Variants in HAUS6 observed in about 807,000 individuals in gnomAD.
HAUS6 encodes the protein HAUS augmin like complex subunit 6, also known as HAUS augmin-like complex subunit 6.
HAUS6 carries 80 observed loss-of-function variants against 106.8 expected under a neutral mutation model. The observed-to-expected ratio is 0.75, with a 90% CI of 0.63 to 0.90. The LOEUF (loss-of-function observed/expected upper bound fraction) is 0.90, where lower values mean the gene tolerates loss of function less well. HAUS6 is among the 40% of genes least tolerant of loss of function. The probability of loss-of-function intolerance (pLI) is 0.00; values close to 1 mark genes in which losing one functional copy is unlikely to be tolerated. For synonymous variants in HAUS6, 356 were observed against 379.1 expected, an observed-to-expected ratio of 0.94 and a Z score of 0.71; for missense variants, 1,155 against 1,118.1, an observed-to-expected ratio of 1.03 and a Z score of -0.47.
chr9:19,063,010 C>A lies in HAUS6; in HGVS notation c.1627G>T (p.Glu543Ter), dbSNP rs1490640007. The change falls in exon 14 of 17, where the codon GAG (glutamate) becomes TAG (stop). Residue 543 changes from glutamate (E) to a stop codon, truncating the protein, a stop_gained and splice_region_variant. Coordinates refer to ENST00000380502, the MANE Select transcript of HAUS6 (RefSeq NM_017645.5). LOFTEE classifies it high-confidence loss of function. ...FQKEQDHLVE[E>*]VARAVLSDSP... Reference sequence around the variant, plus strand: ...TACTCATTACAGTCTTTTCTCACCTCTTCTACCAGATGATCTTGCTCTTTT... The same window carrying A: ...TACTCATTACAGTCTTTTCTCACCTATTCTACCAGATGATCTTGCTCTTTT... The A allele has an allele frequency of 1.2e-6, 2 of 1,607,250 alleles. No homozygotes were observed. Among genetic ancestry groups the A allele is most frequent in the Non-Finnish European group, 1.7e-6 (2 of 1,175,892 alleles).
At position 19,087,824 on chromosome 9, in the gene HAUS6, G is replaced by T. The variant is rs910776819; in HGVS notation, c.585-668C>A. On this transcript the variant is annotated intron_variant, in intron 5 of 16. Coordinates refer to ENST00000380502, the MANE Select transcript of HAUS6 (RefSeq NM_017645.5). The stretch of plus-strand genomic sequence containing the variant: ...TGCCACTGCACTCTAGTCTAGCTAA[G>T]CAACAGAGCAAGACCTTGTCTCAAA... 3.5e-5 allele frequency among the ~76,000 whole-genome samples: 4 copies of T among 113,674 alleles called. No homozygotes were observed. In the East Asian group the frequency reaches 1.2e-3, roughly 35 times the overall value. The allele number at this position is 113,674 out of a possible 152,430, so 74.6% of individuals were successfully genotyped here.
intron 8 of HAUS6, 71 bp from the exon 9 acceptor site, chr9:19,080,743 TTA>T (rs1233625112): frequency 3.0e-5 from 25 of 843,132 alleles, no homozygotes; most frequent in Non-Finnish European, 4.1e-5. Context: ...ATAAAAATAT[TTA>T]TGTTTTTTAC....
rs1564019017 is a variant in HAUS6, at chr9:19,089,534, T to C, written c.462A>G (p.Thr154=). The change falls in exon 5 of 17, where the codon ACA becomes ACG. Residue 154 remains threonine, a synonymous_variant. Coordinates refer to ENST00000380502, the MANE Select transcript of HAUS6 (RefSeq NM_017645.5). ...GCAAGTCCTGTGGTTTTATGTTAAA[T>C]GTCTCTACAAAATGATGAGAAGAAT... is the stretch of plus-strand genomic sequence containing the variant. ...SKNSSHHFVE[T]FNIKPQDLHK... 8 of 1,611,084 alleles carry C rather than the reference T, an allele frequency of 5.0e-6. No homozygotes were observed. The highest frequency in any genetic ancestry group is 2.7e-5 in the African/African-American group (2 of 74,870).
chr9:19,086,592 C>G (rs893713207), intron 7 of HAUS6, 142 bp downstream of exon 7: 21 of 482,510 alleles, frequency 4.4e-5, no homozygotes, highest in African/African-American at 3.7e-4. Context: ...TGCACTCCAG[C>G]CTGGGCAACA....
At chr9:19,097,403 GA>G (rs1262720809) in intron 1 of HAUS6, among the ~76,000 whole-genome samples, 2 of 151,680 alleles carry the variant, frequency 1.3e-5, no homozygotes, top group African/African-American at 2.4e-5. Context: ...AAATTTACAA[GA>G]AAAAAACAAA....
intron 12 of HAUS6, among the ~76,000 whole-genome samples, chr9:19,065,566 C>T (rs916443583): frequency 6.6e-6 from 1 of 152,084 alleles, no homozygotes; most frequent in Non-Finnish European, 1.5e-5. Context: ...TTGGGCTGGG[C>T]GCGGTGGCTC....
intron 5 of HAUS6, among the ~76,000 whole-genome samples, chr9:19,087,866 A>G (rs1817655801): frequency 6.6e-6 from 1 of 151,240 alleles, no homozygotes; most frequent in African/African-American, 2.4e-5. Context: ...AAAAAAAAAA[A>G]AAAAACCACA....
chr9:19,088,329 T>C (rs1435735938), intron 5 of HAUS6, among the ~76,000 whole-genome samples: 1 of 151,858 alleles, frequency 6.6e-6, no homozygotes, highest in African/African-American at 2.4e-5. Flanking sequence ...GGCAGGAGAA[T>C]TGCTTGAACC....
Position 19,096,577 on chromosome 9 carries a change from A to C in HAUS6, c.224+97T>G. On this transcript the variant is annotated intron_variant, in intron 2 of 16. Transcript: ENST00000380502. ...GAGACTCCGTCTCAAAAAAAAAAAA[A>C]AAAAAAAAAAAAGGAGAGAATTCTG... 4 of 531,750 alleles carry C rather than the reference A, an allele frequency of 7.5e-6. No individual in the cohort carries two copies. The East Asian group carries it at 1.5e-4, about 20-fold the overall frequency. The allele number at this position is 531,750 out of a possible 1,614,324, so 32.9% of individuals were successfully genotyped here. A position where few individuals can be genotyped will look rare whatever the true frequency, so the allele number is the denominator to read the frequency against.
intron 9 of HAUS6, among the ~76,000 whole-genome samples, chr9:19,078,901 T>A (rs1426846366): frequency 2.0e-5 from 3 of 147,978 alleles, no homozygotes. Flanking sequence ...ACACCTATAA[T>A]CCCAGAACTT....
chr9:19,100,960 G>C (rs929555368), intron 1 of HAUS6, among the ~76,000 whole-genome samples: 1 of 151,908 alleles, frequency 6.6e-6, no homozygotes, highest in Non-Finnish European at 1.5e-5. Context: ...GAGGGAGGAA[G>C]AGAAGTTGAT....
chr9:19,059,130 G>A, intron 15 of HAUS6, 129 bp from the exon 16 acceptor site: 5 of 609,522 alleles, frequency 8.2e-6, no homozygotes, highest in Non-Finnish European at 1.4e-5. Context: ...ATACTGGTTG[G>A]ATGATAAGCC....
intron 2 of HAUS6, 110 bp downstream of exon 2, chr9:19,096,564 C>CAAAAAAAAAAAAAA: frequency 3.8e-6 from 1 of 262,480 alleles, no homozygotes; most frequent in Non-Finnish European, 6.4e-6. Context: ...GACTCCGTCT[C>CAAAAAAAAAAAAAA]AAAAAAAAAA....
intron 9 of HAUS6, among the ~76,000 whole-genome samples, chr9:19,078,776 G>A (rs1837069272): frequency 6.7e-6 from 1 of 149,560 alleles, no homozygotes; most frequent in Admixed American, 6.8e-5. Flanking sequence ...CAGCCTGGGA[G>A]ACAAGAGTAA....
At chr9:19,084,334 T>C (rs1052942201) in intron 7 of HAUS6, among the ~76,000 whole-genome samples, 3 of 152,188 alleles carry the variant, frequency 2.0e-5, no homozygotes, top group Non-Finnish European at 4.4e-5. Context: ...TAGTGTAACA[T>C]GTGAGGGCAC....
rs1588629277 is a variant in HAUS6 at position 19,096,641 on chromosome 9, GAAATTTAAGAAAATGAAATTATT to G, written c.224+10_224+32del. 1 of 838,746 alleles carries G rather than the reference GAAATTTAAGAAAATGAAATTATT, an allele frequency of 1.2e-6. No homozygotes were observed. The highest frequency in any genetic ancestry group is 3.7e-4 in the Middle Eastern group (1 of 2,694). The allele number at this position is 838,746 out of a possible 1,614,324, so 52.0% of individuals were successfully genotyped here. A position where few individuals can be genotyped will look rare whatever the true frequency, so the allele number is the denominator to read the frequency against. On this transcript the variant is annotated intron_variant, in intron 2 of 16. Transcript: ENST00000380502. ...CGCTGTCCATTTTCAAATTTGGAAA[GAAATTTAAGAAAATGAAATTATT>G]TTTCCTTACTTGAAAACTTCTTTGG...
intron 12 of HAUS6, among the ~76,000 whole-genome samples, chr9:19,064,668 AAATT>A (rs1588599760): frequency 6.6e-6 from 1 of 152,218 alleles, no homozygotes; most frequent in East Asian, 1.9e-4. Flanking sequence ...TAGAAGTACA[AAATT>A]AATAGCACTG....
chr9:19,075,504 G>A (rs572614365), intron 11 of HAUS6, among the ~76,000 whole-genome samples: 1 of 152,310 alleles, frequency 6.6e-6, no homozygotes, highest in African/African-American at 2.4e-5. Context: ...AGCACTTTGG[G>A]AGGCCAAGGA....
Position 19,094,323 on chromosome 9 carries a change from C to A in HAUS6, c.297G>T (p.Arg99Ser). ...FRKHCCEWIKRISGECGSSFP... is the reference protein window; with the variant it reads ...FRKHCCEWIKSISGECGSSFP... ...TAACAAAAAGAATACTTACAGAAAT[C>A]CTTTTTATCCATTCACAGCAATGTT... The change falls in exon 3 of 17, where the codon AGG becomes AGT. Residue 99 changes from arginine to serine, a missense_variant. Physicochemically the swap from Arg to Ser is moderately radical, Grantham distance 110. Coordinates refer to ENST00000380502, the MANE Select transcript of HAUS6 (RefSeq NM_017645.5). The A allele has an allele frequency of 6.4e-7, 1 of 1,573,514 alleles. No homozygotes were observed.
Sources: gnomAD v4.1 joint callset for allele counts (sites outside exome capture counted in the v4.1 genomes callset) on GRCh38, gnomAD v4.1.1 for gene constraint, MANE v1.5 for transcripts, NCBI Gene and HGNC (gene_info 2026-07-23, HGNC 2026-07-21) for gene names.